Variants in ZNF516 observed in about 807,000 individuals in gnomAD.
ZNF516 encodes the protein zinc finger protein 516.
Under a neutral mutation model 79.7 loss-of-function variants are expected in ZNF516, and 19 were observed. The ratio of observed to expected loss-of-function variants is 0.24; its 90% CI spans 0.17 to 0.35. The LOEUF (loss-of-function observed/expected upper bound fraction) is 0.35. Ranked by LOEUF, ZNF516 falls within the 10% of genes least tolerant of loss-of-function variation. ZNF516 has a pLI of 1.00. For synonymous variants in ZNF516, 877 were observed against 739.5 expected (o/e 1.19, Z -3.02); for missense variants, 1,678 against 1,679.5 (o/e 1.00, Z 0.02).
At chr18:76,465,655 T>G (rs763100354) in intron 1 of ZNF516, among the ~76,000 whole-genome samples, 25 of 152,216 alleles carry the variant, frequency 1.6e-4, no homozygotes, top group Admixed American at 3.9e-4. Flanking sequence ...GGCCTCTCCC[T>G]GCGGGAGAAG....
At chr18:76,420,239 G>A (rs1160501060) in intron 3 of ZNF516, among the ~76,000 whole-genome samples, 1 of 152,378 alleles carries the variant, frequency 6.6e-6, no homozygotes. Context: ...TGGAGATGGT[G>A]TAAAAGGTGT....
At chr18:76,439,742 A>G (rs2075789684) in intron 3 of ZNF516, among the ~76,000 whole-genome samples, 1 of 152,158 alleles carries the variant, frequency 6.6e-6, no homozygotes, top group African/African-American at 2.4e-5. Flanking sequence ...TATTAAGAAT[A>G]TTTCTCTTAA....
Position 76,441,265 on chromosome 18 carries a change from CCCT to C in ZNF516, c.1787_1789del (p.Glu596del). On this transcript the variant is annotated inframe_deletion, in exon 3 of 7. Transcript: ENST00000443185. Reference sequence around the variant, plus strand: ...CTCACCTGGTGCAGGTTCAGGGGCGCCCTCCTCACCACTGTCTTCGGCAGCCTC... The same window carrying C: ...CTCACCTGGTGCAGGTTCAGGGGCGCCCTCACCACTGTCTTCGGCAGCCTC... The C allele has an allele frequency of 6.2e-7, 1 of 1,610,348 alleles. No homozygotes were observed. The highest frequency in any genetic ancestry group is 8.5e-7 in the Non-Finnish European group (1 of 1,179,120).
At chr18:76,420,391 T>C (rs773051090) in intron 3 of ZNF516, among the ~76,000 whole-genome samples, 3 of 152,198 alleles carry the variant, frequency 2.0e-5, no homozygotes, top group Non-Finnish European at 2.9e-5. Flanking sequence ...CTTATTTCTG[T>C]AAAGGTCATC....
chr18:76,366,110 CTACTT>C (rs1176306332), intron 6 of ZNF516, among the ~76,000 whole-genome samples: 1 of 152,186 alleles, frequency 6.6e-6, no homozygotes, highest in Non-Finnish European at 1.5e-5. Context: ...CGAAAGGAAA[CTACTT>C]TATTTCTCTT....
chr18:76,491,060 C>G (rs984867919), intron 1 of ZNF516: 1 of 985,272 alleles, frequency 1.0e-6, no homozygotes, highest in Non-Finnish European at 1.2e-6. Flanking sequence ...AGGACCGGTT[C>G]AGGTGTGAAC....
At chr18:76,413,985 T>C (rs1221767741) in intron 3 of ZNF516, among the ~76,000 whole-genome samples, 2 of 152,222 alleles carry the variant, frequency 1.3e-5, no homozygotes, top group Non-Finnish European at 2.9e-5. Context: ...TTCATGTCAC[T>C]TTTTTTAAAC....
intron 3 of ZNF516, among the ~76,000 whole-genome samples, chr18:76,438,807 A>G (rs1393945069): frequency 1.3e-5 from 2 of 152,248 alleles, no homozygotes; most frequent in African/African-American, 4.8e-5. Context: ...TTATGGCACA[A>G]CTGGGTATTA....
intron 3 of ZNF516, among the ~76,000 whole-genome samples, chr18:76,392,571 T>G (rs1296023952): frequency 1.5e-4 from 10 of 64,606 alleles, no homozygotes; most frequent in South Asian, 1.1e-3. Context: ...GGGGGAAAGG[T>G]GGATGGGAAG....
At chr18:76,392,585 G>A (rs528637005) in intron 3 of ZNF516, among the ~76,000 whole-genome samples, 1 of 146,048 alleles carries the variant, frequency 6.8e-6, no homozygotes, top group African/African-American at 2.6e-5. Context: ...TGGGAAGGCA[G>A]GTGGCCGGGT....
intron 3 of ZNF516, among the ~76,000 whole-genome samples, chr18:76,380,988 G>A (rs537791351): frequency 2.6e-4 from 39 of 152,322 alleles, no homozygotes; most frequent in African/African-American, 8.4e-4. Context: ...GCCACCTGCC[G>A]GCTGCCCAGG....
At chr18:76,389,195 G>A (rs1023554160) in intron 3 of ZNF516, 7 of 151,886 alleles carry the variant, frequency 4.6e-5, no homozygotes, top group African/African-American at 1.7e-4. Flanking sequence ...ATCTGTCAAG[G>A]TCACGAGCCA....
chr18:76,412,922 C>T (rs938789831), intron 3 of ZNF516, among the ~76,000 whole-genome samples: 1 of 152,198 alleles, frequency 6.6e-6, no homozygotes, highest in Non-Finnish European at 1.5e-5. Context: ...TGAGTCCCGC[C>T]ATAACCTACC....
At chr18:76,477,385 A>T (rs770308336) in intron 1 of ZNF516, among the ~76,000 whole-genome samples, 20 of 152,246 alleles carry the variant, frequency 1.3e-4, no homozygotes, top group Non-Finnish European at 2.9e-4. Context: ...AAGCAGGAGT[A>T]ACAGGTAACC....
At chr18:76,369,027 G>A (rs1317191943) in intron 6 of ZNF516, among the ~76,000 whole-genome samples, 11 of 152,180 alleles carry the variant, frequency 7.2e-5, no homozygotes, top group South Asian at 4.1e-4. Flanking sequence ...TGGGTTGAAC[G>A]GGTCACCTGT....
At chr18:76,373,531 C>G (rs2074740780) in intron 4 of ZNF516, among the ~76,000 whole-genome samples, 1 of 152,244 alleles carries the variant, frequency 6.6e-6, no homozygotes, top group African/African-American at 2.4e-5. Context: ...ACAATACTGA[C>G]TAATGATGAC....
At chr18:76,426,650 T>A (rs1171057395) in intron 3 of ZNF516, among the ~76,000 whole-genome samples, 1 of 148,122 alleles carries the variant, frequency 6.8e-6, no homozygotes, top group Non-Finnish European at 1.5e-5. Context: ...TTGAATGAAT[T>A]AAAGAAAGCC....
intron 1 of ZNF516, among the ~76,000 whole-genome samples, chr18:76,477,682 G>A (rs535124184): frequency 6.6e-6 from 1 of 151,964 alleles, no homozygotes; most frequent in East Asian, 1.9e-4. Context: ...ACATTCTCAA[G>A]CACTCACAAA....
intron 4 of ZNF516, chr18:76,378,202 C>T (rs2074818770): frequency 6.6e-6 from 1 of 152,202 alleles, no homozygotes; most frequent in Admixed American, 6.5e-5. Flanking sequence ...AGGAGGAAAG[C>T]TAGCAACTGC....
Sources: allele counts gnomAD v4.1 joint callset (sites outside exome capture counted in the v4.1 genomes callset), GRCh38; gene constraint gnomAD v4.1.1; transcripts MANE v1.5; gene names NCBI Gene and HGNC (gene_info 2026-07-23, HGNC 2026-07-21).